The following WRN variants were observed in gnomAD, a reference collection of about 807,000 sequenced individuals.
WRN encodes the protein WRN RecQ like helicase.
A neutral mutation model predicts 180.7 loss-of-function variants in WRN; 149 were observed. The observed-to-expected ratio is 0.82, with a 90% CI of 0.72 to 0.94. WRN has a LOEUF of 0.94. Among genes scored for constraint, WRN ranks in the 40% least tolerant of loss-of-function variants. The pLI is 0.00. For missense variants in WRN, 1,661 were observed against 1,700.1 expected (o/e 0.98, Z 0.40); for synonymous variants, 548 against 568.9 (o/e 0.96, Z 0.52).
intron 1 of WRN, among the ~76,000 whole-genome samples, chr8:31,050,516 T>C (rs1473970673): frequency 6.6e-6 from 1 of 151,736 alleles, no homozygotes; most frequent in Admixed American, 6.6e-5. Flanking sequence ...ATACTTTTTT[T>C]TTTTTTTTTT....
intron 18 of WRN, among the ~76,000 whole-genome samples, chr8:31,111,072 C>T (rs991774799): frequency 6.6e-5 from 10 of 152,010 alleles, no homozygotes; most frequent in Non-Finnish European, 1.5e-4. Context: ...TTGATTATCT[C>T]AGTACCACTG....
At chr8:31,048,193 A>T (rs1347809719) in intron 1 of WRN, among the ~76,000 whole-genome samples, 1 of 152,208 alleles carries the variant, frequency 6.6e-6, no homozygotes, top group African/African-American at 2.4e-5. Flanking sequence ...ACTACAGTTA[A>T]CCTAGATGTG....
chr8:31,149,484 TTTTTTTTG>T (rs1563381869), intron 30 of WRN, among the ~76,000 whole-genome samples: 3 of 48,386 alleles, frequency 6.2e-5, no homozygotes, highest in Non-Finnish European at 4.4e-5. Flanking sequence ...TTTTTTTTTT[TTTTTTTTG>T]GTGATAGAGT....
Position 31,081,020 on chromosome 8 carries a change from A to G in WRN, c.993A>G (p.Lys331=), listed in dbSNP as rs1813285811. The G allele has an allele frequency of 1.2e-6, 2 of 1,614,076 alleles. No homozygotes were observed. Among genetic ancestry groups the G allele is most frequent in the Admixed American group, 1.7e-5 (1 of 60,020 alleles). ...EDSTTGGVQQ[K]QIREHEVLIH... Reference sequence around the variant, plus strand: ...CAACTACTGGGGGAGTACAACAGAAACAAATTAGAGAACATGAAGTTTTAA... The same window carrying G: ...CAACTACTGGGGGAGTACAACAGAAGCAAATTAGAGAACATGAAGTTTTAA... The change falls in exon 9 of 35, where the codon AAA becomes AAG. Residue 331 remains lysine, a synonymous_variant. Coordinates refer to ENST00000298139, the MANE Select transcript of WRN (RefSeq NM_000553.6).
At chr8:31,074,765 A>T (rs896592885) in intron 7 of WRN, among the ~76,000 whole-genome samples, 1 of 152,244 alleles carries the variant, frequency 6.6e-6, no homozygotes, top group South Asian at 2.1e-4. Flanking sequence ...GAGAGTATAG[A>T]TACAAAGGAA....
intron 11 of WRN, among the ~76,000 whole-genome samples, chr8:31,086,785 T>C (rs1213113115): frequency 1.3e-5 from 2 of 152,170 alleles, no homozygotes; most frequent in East Asian, 3.8e-4. Context: ...ACATATTAGC[T>C]AACAGTAAAA....
chr8:31,111,913 A>C, intron 19 of WRN, 114 bp downstream of exon 19: 1 of 1,302,142 alleles, frequency 7.7e-7, no homozygotes, highest in Non-Finnish European at 1.1e-6. Context: ...AACATATTTC[A>C]AATTCCACCT....
At chr8:31,054,139 A>C (rs897675991) in intron 1 of WRN, among the ~76,000 whole-genome samples, 1 of 152,184 alleles carries the variant, frequency 6.6e-6, no homozygotes, top group East Asian at 1.9e-4. Flanking sequence ...ATTGTTAAAA[A>C]GTCTTGGTCA....
intron 33 of WRN, among the ~76,000 whole-genome samples, chr8:31,159,037 G>A (rs78126253): frequency 0.038 from 5,846 of 152,120 alleles, 369 homozygotes; most frequent in African/African-American, 0.13. Context: ...GGTGGCTTGT[G>A]TCTGTAATCC....
intron 1 of WRN, among the ~76,000 whole-genome samples, chr8:31,044,596 C>A (rs1356569411): frequency 6.6e-6 from 1 of 152,078 alleles, no homozygotes; most frequent in African/African-American, 2.4e-5. Flanking sequence ...ACTACGTGAT[C>A]CGCCTGCCTC....
intron 9 of WRN, among the ~76,000 whole-genome samples, 156 bp from the exon 10 acceptor site, chr8:31,083,543 T>C (rs577539068): frequency 5.9e-5 from 9 of 152,064 alleles, no homozygotes; most frequent in African/African-American, 1.9e-4. Flanking sequence ...TCTCTCCCTT[T>C]TTTATCTATC....
intron 16 of WRN, among the ~76,000 whole-genome samples, chr8:31,095,633 A>G (rs760577970): frequency 4.6e-5 from 7 of 152,190 alleles, no homozygotes; most frequent in Non-Finnish European, 1.0e-4. Context: ...TCCATTTTTT[A>G]AAAAGACTAT....
At chr8:31,149,558 T>C (rs1585526172) in intron 30 of WRN, among the ~76,000 whole-genome samples, 1 of 119,684 alleles carries the variant, frequency 8.4e-6, no homozygotes, top group Non-Finnish European at 1.6e-5. Context: ...CACTGCAACC[T>C]CCGCCTCCTG....
chr8:31,160,987 C>CAAAAA, intron 33 of WRN, among the ~76,000 whole-genome samples: 1 of 141,612 alleles, frequency 7.1e-6, no homozygotes. Context: ...GACTCTGTCT[C>CAAAAA]AAAAAAAAAA....
chr8:31,063,414 T>G (rs1812569380), intron 3 of WRN, among the ~76,000 whole-genome samples: 1 of 152,258 alleles, frequency 6.6e-6, no homozygotes, highest in Admixed American at 6.5e-5. Flanking sequence ...GTAGGAACAG[T>G]GTTGCAATGC....
intron 27 of WRN, among the ~76,000 whole-genome samples, chr8:31,143,042 C>CAA (rs1802709671): frequency 1.2e-5 from 1 of 83,176 alleles, no homozygotes; most frequent in Non-Finnish European, 2.4e-5. Flanking sequence ...CACACACACA[C>CAA]ACACACACAC....
intron 30 of WRN, among the ~76,000 whole-genome samples, chr8:31,149,740 G>T (rs556322416): frequency 1.2e-3 from 181 of 152,076 alleles, no homozygotes; most frequent in Non-Finnish European, 2.3e-3. Flanking sequence ...CTCCCAAATT[G>T]TTGGGATTAC....
At position 31,100,846 on chromosome 8, in the gene WRN, C is replaced by T. The variant is rs1563351038; in HGVS notation, c.1982-3C>T. 1 of 1,610,306 alleles carries T rather than the reference C, an allele frequency of 6.2e-7. No homozygotes were observed. Among genetic ancestry groups the T allele is most frequent in the Non-Finnish European group, 8.5e-7 (1 of 1,178,088 alleles). Reference sequence around the variant, plus strand: ...TCCTTTATGTGTTTTTCTTTTTTTACAGGTATCACGCTCATTGCTGTGGAT... The same window carrying T: ...TCCTTTATGTGTTTTTCTTTTTTTATAGGTATCACGCTCATTGCTGTGGAT... On this transcript the variant is annotated splice_region_variant and splice_polypyrimidine_tract_variant and intron_variant, in intron 17 of 34. Transcript: ENST00000298139.
intron 3 of WRN, among the ~76,000 whole-genome samples, chr8:31,062,839 T>C (rs1459768746): frequency 6.6e-6 from 1 of 152,170 alleles, no homozygotes; most frequent in Non-Finnish European, 1.5e-5. Context: ...CATTTTTTTT[T>C]CTTTTTAATA....
Sources: gnomAD v4.1 joint callset for allele counts (sites outside exome capture counted in the v4.1 genomes callset) on GRCh38, gnomAD v4.1.1 for gene constraint, MANE v1.5 for transcripts, NCBI Gene and HGNC (gene_info 2026-07-23, HGNC 2026-07-21) for gene names.